The following CCDC171 variants were observed in gnomAD, a reference collection of about 807,000 sequenced individuals.
CCDC171 encodes the protein coiled-coil domain containing 171, also known as coiled-coil domain-containing protein 171.
In CCDC171, 177 loss-of-function variants were observed where a neutral mutation model predicts 168.2. That is an observed-to-expected ratio of 1.05 (90% CI 0.93 to 1.19). CCDC171 has a LOEUF of 1.19. CCDC171 is among the 50% of genes most tolerant of loss of function. The pLI is 0.00. For missense variants in CCDC171, 1,991 were observed against 1,539.0 expected, an observed-to-expected ratio of 1.29 and a Z score of -4.91; for synonymous variants, 687 against 540.8, an observed-to-expected ratio of 1.27 and a Z score of -3.75.
chr9:15,853,972 T>A (rs1378388516), intron 23 of CCDC171, among the ~76,000 whole-genome samples: 3 of 151,468 alleles, frequency 2.0e-5, no homozygotes. Flanking sequence ...GTGTATGATC[T>A]TTTGAATATG....
the CCDC171 span, among the ~76,000 whole-genome samples, chr9:16,087,745 A>G: frequency 6.6e-6 from 1 of 151,826 alleles, no homozygotes; most frequent in Non-Finnish European, 1.5e-5. Context: ...GCCCATTTAC[A>G]TTTAAGGTTA....
chr9:16,025,482 A>T (rs1013482672), intron 6 of CCDC171, among the ~76,000 whole-genome samples: 9 of 152,112 alleles, frequency 5.9e-5, no homozygotes, highest in Non-Finnish European at 1.2e-4. Context: ...CAAACAAAAA[A>T]ACTTGGACAG....
chr9:16,037,521 C>T (rs1833493731), intron 8 of CCDC171, among the ~76,000 whole-genome samples: 1 of 151,994 alleles, frequency 6.6e-6, no homozygotes, highest in Non-Finnish European at 1.5e-5. Context: ...AGATCAGATC[C>T]CCAGGCACTT....
chr9:15,721,242 C>T (rs1588136667), intron 11 of CCDC171, among the ~76,000 whole-genome samples: 3 of 151,850 alleles, frequency 2.0e-5, no homozygotes, highest in Non-Finnish European at 2.9e-5. Context: ...AAGAATATTT[C>T]CAAGTATAAC....
chr9:15,966,014 C>T (rs1330104715), intron 25 of CCDC171, among the ~76,000 whole-genome samples: 2 of 152,174 alleles, frequency 1.3e-5, no homozygotes, highest in African/African-American at 4.8e-5. Context: ...ACTCATTCAT[C>T]ATTTAGGAAT....
chr9:15,848,120 C>G (rs1044573783), intron 22 of CCDC171, among the ~76,000 whole-genome samples: 1 of 151,870 alleles, frequency 6.6e-6, no homozygotes, highest in Non-Finnish European at 1.5e-5. Flanking sequence ...TATAAGACCT[C>G]CAGATTCAAA....
At chr9:15,596,078 C>T (rs1230704295) in intron 6 of CCDC171, among the ~76,000 whole-genome samples, 1 of 152,062 alleles carries the variant, frequency 6.6e-6, no homozygotes, top group Non-Finnish European at 1.5e-5. Flanking sequence ...CAAAAATTTT[C>T]TCCCATTCTG....
chr9:15,758,649 C>A (rs2056272776), intron 18 of CCDC171, among the ~76,000 whole-genome samples: 1 of 152,002 alleles, frequency 6.6e-6, no homozygotes, highest in Non-Finnish European at 1.5e-5. Context: ...TTGGCTGTGT[C>A]CCCACCCAAA....
intron 1 of CCDC171, among the ~76,000 whole-genome samples, chr9:16,058,596 C>T (rs1392384562): frequency 6.6e-6 from 1 of 152,082 alleles, no homozygotes; most frequent in Non-Finnish European, 1.5e-5. Context: ...CAGGAGTTAC[C>T]GATTCAGAAA....
At chr9:15,740,677 T>A (rs1207900421) in intron 16 of CCDC171, among the ~76,000 whole-genome samples, 1 of 152,164 alleles carries the variant, frequency 6.6e-6, no homozygotes, top group Non-Finnish European at 1.5e-5. Context: ...TGATCTCAGG[T>A]GATCCACCCG....
chr9:15,836,404 C>T (rs963103377), intron 21 of CCDC171, among the ~76,000 whole-genome samples: 1 of 152,102 alleles, frequency 6.6e-6, no homozygotes, highest in Non-Finnish European at 1.5e-5. Context: ...CTCTCTCTGT[C>T]GCCCAGGCTG....
At chr9:15,784,022 G>C (rs1468967502) in intron 20 of CCDC171, among the ~76,000 whole-genome samples, 1 of 152,122 alleles carries the variant, frequency 6.6e-6, no homozygotes, top group African/African-American at 2.4e-5. Context: ...TGGCTGTGAA[G>C]AAAATAAAAC....
At chr9:15,644,754 C>T (rs1207832050) in intron 7 of CCDC171, among the ~76,000 whole-genome samples, 3 of 152,188 alleles carry the variant, frequency 2.0e-5, no homozygotes, top group African/African-American at 7.2e-5. Flanking sequence ...GAAGCTCAAA[C>T]TGGGTGGAGC....
chr9:15,978,908 C>G (rs915477816), downstream of CCDC171, among the ~76,000 whole-genome samples: 1 of 152,276 alleles, frequency 6.6e-6, no homozygotes. Context: ...CCCCAATCCT[C>G]TATCCCCTGG....
chr9:15,843,415 C>G (rs1356251684), intron 21 of CCDC171, among the ~76,000 whole-genome samples: 1 of 151,972 alleles, frequency 6.6e-6, no homozygotes, highest in East Asian at 1.9e-4. Context: ...TAAAATTGTT[C>G]ACAACACTGT....
chr9:15,588,651 G>T (rs2041756458), intron 4 of CCDC171: 1 of 249,670 alleles, frequency 4.0e-6, no homozygotes, highest in South Asian at 6.4e-5. Context: ...CACTTTTGGT[G>T]ACTATACAGT....
chr9:15,797,445 GGCTGAAGCAATCCACCT>G (rs541399938), intron 21 of CCDC171, among the ~76,000 whole-genome samples: 204 of 152,064 alleles, frequency 1.3e-3, no homozygotes, highest in African/African-American at 4.8e-3. Context: ...TGAACTCCTG[GGCTGAAGCAATCCACCT>G]GCCTCAGCCT....
At chr9:16,100,053 A>G in the CCDC171 span, among the ~76,000 whole-genome samples, 1 of 152,170 alleles carries the variant, frequency 6.6e-6, no homozygotes, top group Non-Finnish European at 1.5e-5. Context: ...ACATCAGTGA[A>G]TGCATGTAAT....
At chr9:15,752,810 A>G (rs1222768514) in intron 18 of CCDC171, among the ~76,000 whole-genome samples, 1 of 152,138 alleles carries the variant, frequency 6.6e-6, no homozygotes, top group Non-Finnish European at 1.5e-5. Flanking sequence ...TGATGGGTGC[A>G]GCAAACCAAC....
Sources: gnomAD v4.1 joint callset for allele counts (sites outside exome capture counted in the v4.1 genomes callset) on GRCh38, gnomAD v4.1.1 for gene constraint, MANE v1.5 for transcripts, NCBI Gene and HGNC (gene_info 2026-07-23, HGNC 2026-07-21) for gene names.